The following APBA1 variants were observed in gnomAD, a reference collection of about 807,000 sequenced individuals.
The protein encoded by APBA1 is amyloid beta precursor protein binding family A member 1.
In APBA1, 55 loss-of-function variants were observed where a neutral mutation model predicts 86.6. The ratio of observed to expected loss-of-function variants is 0.64; its 90% CI spans 0.51 to 0.80. The LOEUF (loss-of-function observed/expected upper bound fraction) is 0.80, where lower values mean the gene tolerates loss of function less well. APBA1 is among the 30% of genes least tolerant of loss of function. The probability of loss-of-function intolerance (pLI) is 0.00; values close to 1 mark genes in which losing one functional copy is unlikely to be tolerated. For synonymous variants in APBA1, 511 were observed against 493.9 expected (o/e 1.03, Z -0.46); for missense variants, 1,090 against 1,183.0 (o/e 0.92, Z 1.15).
intron 11 of APBA1, among the ~76,000 whole-genome samples, chr9:69,440,612 G>A (rs1408299276): frequency 1.3e-5 from 2 of 152,198 alleles, no homozygotes; most frequent in East Asian, 1.9e-4. Flanking sequence ...CTGGTGTGCC[G>A]TTTGTTATGC....
chr9:69,451,872 C>G (rs1277600496), intron 9 of APBA1, among the ~76,000 whole-genome samples: 4 of 152,142 alleles, frequency 2.6e-5, no homozygotes, highest in Non-Finnish European at 4.4e-5. Flanking sequence ...TGGGACCCAC[C>G]CAAAACTTAG....
At chr9:69,636,825 GA>G (rs1489981609) in intron 1 of APBA1, among the ~76,000 whole-genome samples, 5 of 21,588 alleles carry the variant, frequency 2.3e-4, no homozygotes, top group Admixed American at 4.5e-4. Flanking sequence ...GAGAGAGAGA[GA>G]GAGAGGGAGG....
chr9:69,462,711 C>T (rs900007263), intron 5 of APBA1: 1 of 152,156 alleles, frequency 6.6e-6, no homozygotes, highest in African/African-American at 2.4e-5. Flanking sequence ...AAGCACTTAG[C>T]CTGACTAGAA....
intron 1 of APBA1, among the ~76,000 whole-genome samples, chr9:69,649,175 G>C (rs1185359586): frequency 6.6e-6 from 1 of 152,092 alleles, no homozygotes; most frequent in Non-Finnish European, 1.5e-5. Context: ...GCTTCTTAGT[G>C]GCTATCACTT....
At chr9:69,551,092 T>A (rs1836777733) in intron 1 of APBA1, among the ~76,000 whole-genome samples, 1 of 152,196 alleles carries the variant, frequency 6.6e-6, no homozygotes, top group Non-Finnish European at 1.5e-5. Context: ...ATTAAACATA[T>A]TTTTGGGACA....
intron 11 of APBA1, among the ~76,000 whole-genome samples, chr9:69,433,819 T>A (rs1834647203): frequency 6.6e-6 from 1 of 151,552 alleles, no homozygotes; most frequent in African/African-American, 2.4e-5. Flanking sequence ...TTTTTTTTTT[T>A]TTTTTTTTTT....
intron 1 of APBA1, among the ~76,000 whole-genome samples, chr9:69,618,033 T>C (rs1405037429): frequency 6.6e-6 from 1 of 152,204 alleles, no homozygotes; most frequent in Non-Finnish European, 1.5e-5. Context: ...CTTTAATTGC[T>C]TGGTAATGTA....
intron 1 of APBA1, among the ~76,000 whole-genome samples, chr9:69,577,271 A>G (rs1360854628): frequency 6.6e-6 from 1 of 152,186 alleles, no homozygotes; most frequent in Non-Finnish European, 1.5e-5. Flanking sequence ...TAAATAATCA[A>G]CTTGGTCTAT....
At chr9:69,537,185 G>T (rs1195777626) in intron 1 of APBA1, among the ~76,000 whole-genome samples, 1 of 151,702 alleles carries the variant, frequency 6.6e-6, no homozygotes, top group African/African-American at 2.4e-5. Flanking sequence ...TAGGAAGAGG[G>T]CAGGAAACAA....
intron 1 of APBA1, among the ~76,000 whole-genome samples, chr9:69,588,543 G>GAA (rs35029692): frequency 9.3e-5 from 14 of 150,286 alleles, no homozygotes; most frequent in South Asian, 2.1e-4. Context: ...GTGAAGATGA[G>GAA]AAAAAAAAAC....
chr9:69,517,589 G>C (rs1018468299), intron 1 of APBA1, among the ~76,000 whole-genome samples: 1 of 152,140 alleles, frequency 6.6e-6, no homozygotes, highest in African/African-American at 2.4e-5. Flanking sequence ...TCTGAATAAA[G>C]AGTACTACTA....
At chr9:69,667,688 G>A (rs1471867994) in intron 1 of APBA1, among the ~76,000 whole-genome samples, 1 of 151,396 alleles carries the variant, frequency 6.6e-6, no homozygotes, top group Non-Finnish European at 1.5e-5. Context: ...GCAGGCTCAA[G>A]TCTTCCTATA....
chr9:69,487,322 C>A (rs1025955801), intron 2 of APBA1, among the ~76,000 whole-genome samples: 15 of 152,076 alleles, frequency 9.9e-5, no homozygotes, highest in Admixed American at 8.5e-4. Context: ...CTGCCTCCCC[C>A]CAAAAATGCC....
intron 1 of APBA1, among the ~76,000 whole-genome samples, chr9:69,641,020 TTGCAGATGACATAATC>T (rs1823277515): frequency 2.6e-5 from 4 of 151,970 alleles, no homozygotes; most frequent in Non-Finnish European, 2.9e-5. Context: ...GTTTCTTCAT[TTGCAGATGACATAATC>T]TGCAGATGAC....
At chr9:69,602,300 G>A (rs1368647288) in intron 1 of APBA1, among the ~76,000 whole-genome samples, 1 of 152,052 alleles carries the variant, frequency 6.6e-6, no homozygotes, top group Non-Finnish European at 1.5e-5. Flanking sequence ...GGCGGGGCGC[G>A]GTTGCTCAAG....
Position 69,457,789 on chromosome 9 carries a change from C to CT in APBA1, c.1515+366dup, listed in dbSNP as rs369932210. Among the ~76,000 whole-genome samples the CT allele has an allele frequency of 2.8e-3, 419 of 152,238 alleles. 2 individuals are homozygous for CT. The highest frequency in any genetic ancestry group is 9.5e-3 in the African/African-American group (396 of 41,544). ...ACATGTGTGGTTATTAGCGAGTTTT[C>CT]TTTTTTGCATCCAGCAATCTGACAA... On this transcript the variant is annotated intron_variant, in intron 6 of 12. Coordinates refer to ENST00000265381, the MANE Select transcript of APBA1 (RefSeq NM_001163.4).
Position 69,449,665 on chromosome 9 carries a change from C to T in APBA1, c.2100G>A (p.Leu700=), listed in dbSNP as rs778790628. The T allele has an allele frequency of 1.2e-6, 2 of 1,614,096 alleles. No homozygotes were observed. Among genetic ancestry groups the T allele is most frequent in the Non-Finnish European group, 1.7e-6 (2 of 1,180,030 alleles). Residue 700 remains leucine (L), a synonymous_variant, in exon 10 of 13, where the codon CTG becomes CTA. Coordinates refer to ENST00000265381, the MANE Select transcript of APBA1 (RefSeq NM_001163.4). The part of the protein sequence containing the change: ...HGGPAEKSGK[L]NIGDQIMSIN... Reference sequence around the variant, plus strand: ...TGGACATGATCTGGTCACCGATATTCAGCTTCCCAGATTTCTCCGCAGGGC... The same window carrying T: ...TGGACATGATCTGGTCACCGATATTTAGCTTCCCAGATTTCTCCGCAGGGC...
At chr9:69,443,998 C>G (rs1349842946) in intron 10 of APBA1, among the ~76,000 whole-genome samples, 2 of 152,126 alleles carry the variant, frequency 1.3e-5, no homozygotes, top group Non-Finnish European at 2.9e-5. Context: ...TCCCCCACCC[C>G]CTGGCTTCCC....
At chr9:69,618,088 TG>T (rs1277203754) in intron 1 of APBA1, among the ~76,000 whole-genome samples, 1 of 152,204 alleles carries the variant, frequency 6.6e-6, no homozygotes, top group East Asian at 1.9e-4. Flanking sequence ...TGAATAGTGT[TG>T]TTTGCCTCAG....
Sources: gnomAD v4.1 joint callset for allele counts (sites outside exome capture counted in the v4.1 genomes callset) on GRCh38, gnomAD v4.1.1 for gene constraint, MANE v1.5 for transcripts, NCBI Gene and HGNC (gene_info 2026-07-23, HGNC 2026-07-21) for gene names.